Variants in TPM1 observed in about 807,000 individuals in gnomAD.
TPM1 encodes the protein tropomyosin 1.
A neutral mutation model predicts 42.9 loss-of-function variants in TPM1; 24 were observed. That is an observed-to-expected ratio of 0.56 (90% CI 0.41 to 0.79). TPM1 has a LOEUF of 0.79. TPM1 is among the 30% of genes least tolerant of loss of function. The pLI, the probability that TPM1 is intolerant of heterozygous loss-of-function variation, is 0.00. For missense variants in TPM1, 158 were observed against 351.8 expected (o/e 0.45, Z 4.41); for synonymous variants, 136 against 130.1 (o/e 1.05, Z -0.31).
downstream of TPM1, chr15:63,069,899 C>T (rs1170242661): frequency 5.6e-6 from 9 of 1,613,982 alleles, no homozygotes; most frequent in Non-Finnish European, 5.9e-6. Flanking sequence ...TGAGCAAAAT[C>T]GCCGCCTCAC....
chr15:63,062,831 G>T (rs1459488182), intron 8 of TPM1, 186 bp downstream of exon 8: 1 of 1,533,094 alleles, frequency 6.5e-7, no homozygotes, highest in Non-Finnish European at 8.7e-7. Flanking sequence ...CTGCTCACGA[G>T]GTGACTAGTT....
chr15:63,070,623 A>G (rs941672644), downstream of TPM1: 35 of 1,007,802 alleles, frequency 3.5e-5, 1 homozygote, highest in Middle Eastern at 5.1e-4. Context: ...AATCATTTTA[A>G]AAGTTCTCAG....
downstream of TPM1, chr15:63,070,188 C>T: frequency 3.1e-6 from 4 of 1,293,732 alleles, no homozygotes; most frequent in Non-Finnish European, 4.0e-6. Flanking sequence ...CAGCACTGCT[C>T]CTTGAAATAG....
intron 9 of TPM1, chr15:63,064,433 T>G: frequency 8.2e-7 from 1 of 1,213,742 alleles, no homozygotes; most frequent in Non-Finnish European, 1.0e-6. Flanking sequence ...TTTGGGAAAT[T>G]AAGCTAAACT....
At position 63,065,949 on chromosome 15, in the gene TPM1, CA is replaced by C; in HGVS notation, c.*51del. 1 of 1,604,720 alleles carries C rather than the reference CA, an allele frequency of 6.2e-7. No homozygotes were observed. Among genetic ancestry groups the C allele is most frequent in the Non-Finnish European group, 8.5e-7 (1 of 1,175,412 alleles). On this transcript the variant is annotated 3_prime_UTR_variant, in exon 10 of 10. Coordinates refer to ENST00000403994, the MANE Select transcript of TPM1 (RefSeq NM_001018005.2). ...GACTCCCTCGTCGAGCTGGATGTCC[CA>C]CCTCTCTGAGCTCTGCATTTGTCTA...
chr15:63,067,080 A>G (rs1056170265), downstream of TPM1, among the ~76,000 whole-genome samples: 41 of 151,988 alleles, frequency 2.7e-4, no homozygotes, highest in Admixed American at 2.2e-3. Context: ...TCCTTCCTCA[A>G]CAATCTAGCT....
intron 4 of TPM1, among the ~76,000 whole-genome samples, chr15:63,060,477 A>G (rs549619193): frequency 6.6e-6 from 1 of 152,278 alleles, no homozygotes; most frequent in Admixed American, 6.5e-5. Flanking sequence ...TCAGCCATCA[A>G]ATTGATGGAG....
intron 2 of TPM1, chr15:63,048,665 C>G: frequency 1.9e-6 from 3 of 1,539,464 alleles, no homozygotes; most frequent in Non-Finnish European, 2.6e-6. Context: ...GCGCGGGCAC[C>G]CTGCAGCGCG....
rs115304384 is a variant in TPM1, at chr15:63,057,925, G to C, written c.374+807G>C. ...ATGGCATAGCATGAAGGGGCTCAGAGCACTGAATGTGTATCTGTCTGTGCT... is the reference window on the plus strand; with the variant it reads ...ATGGCATAGCATGAAGGGGCTCAGACCACTGAATGTGTATCTGTCTGTGCT... On this transcript the variant is annotated intron_variant, in intron 3 of 9. Coordinates refer to ENST00000403994, the MANE Select transcript of TPM1 (RefSeq NM_001018005.2). 7.1e-3 allele frequency among the ~76,000 whole-genome samples: 1,078 copies of C among 152,274 alleles called. 14 individuals are homozygous for C. Among genetic ancestry groups the C allele is most frequent in the African/African-American group, 0.024 (991 of 41,552 alleles).
At chr15:63,064,714 C>T in intron 9 of TPM1, 1 of 976,150 alleles carries the variant, frequency 1.0e-6, no homozygotes, top group Non-Finnish European at 1.2e-6. Flanking sequence ...GCCTGTAATC[C>T]CAGCACTTTG....
chr15:63,061,299 G>C (rs1373332758), intron 5 of TPM1: 1 of 1,611,368 alleles, frequency 6.2e-7, no homozygotes, highest in East Asian at 2.2e-5. Flanking sequence ...GTGGTTTTTA[G>C]GTTTAACTGC....
intron 2 of TPM1, among the ~76,000 whole-genome samples, chr15:63,051,176 CAAGG>C (rs2033782380): frequency 6.6e-6 from 1 of 152,168 alleles, no homozygotes. Context: ...ATCCAGCAAA[CAAGG>C]AGACAGGGAG....
downstream of TPM1, among the ~76,000 whole-genome samples, chr15:63,066,643 G>C (rs2036292383): frequency 6.6e-6 from 1 of 152,180 alleles, no homozygotes; most frequent in Non-Finnish European, 1.5e-5. Context: ...GTAAGTTTTG[G>C]TTATTGTCGA....
At chr15:63,050,079 A>G (rs775448414) in intron 2 of TPM1, among the ~76,000 whole-genome samples, 8 of 152,238 alleles carry the variant, frequency 5.3e-5, no homozygotes, top group Non-Finnish European at 1.2e-4. Context: ...TAGTAACAGC[A>G]TCTACCTGTC....
chr15:63,064,919 A>G, intron 9 of TPM1: 1 of 862,862 alleles, frequency 1.2e-6, no homozygotes, highest in South Asian at 5.3e-5. Context: ...GTCAGCCGAG[A>G]TCGCACCACC....
At chr15:63,048,572 C>T (rs1349022518) in intron 2 of TPM1, 1 of 1,526,164 alleles carries the variant, frequency 6.6e-7, no homozygotes, top group South Asian at 1.2e-5. Flanking sequence ...TACCGTCCGG[C>T]GCGATGGCGG....
intron 5 of TPM1, 139 bp downstream of exon 5, chr15:63,061,078 A>C: frequency 4.1e-6 from 6 of 1,457,600 alleles, no homozygotes; most frequent in Non-Finnish European, 5.8e-6. Flanking sequence ...ATGAGCCACG[A>C]GTATGGAACA....
chr15:63,060,839 T>C (rs777531370), intron 4 of TPM1, 30 bp from the exon 5 acceptor site: 3 of 1,612,114 alleles, frequency 1.9e-6, no homozygotes, highest in African/African-American at 2.7e-5. Flanking sequence ...GCAAGACCCA[T>C]GGTGTGTGTG....
At position 63,042,815 on chromosome 15, in the gene TPM1, C is replaced by A; in HGVS notation, c.-15C>A. 1 of 1,610,840 alleles carries A rather than the reference C, an allele frequency of 6.2e-7. No individual in the cohort carries two copies. Among genetic ancestry groups the A allele is most frequent in the South Asian group, 1.1e-5 (1 of 90,964 alleles). On this transcript the variant is annotated 5_prime_UTR_variant, in exon 1 of 10. Coordinates refer to ENST00000403994, the MANE Select transcript of TPM1 (RefSeq NM_001018005.2). ...CGCTCCTGCTGCAGCCCCAGGGCCC[C>A]TCGCCGCCGCCACCATGGACGCCAT...
Sources: gnomAD v4.1 joint callset for allele counts (sites outside exome capture counted in the v4.1 genomes callset) on GRCh38, gnomAD v4.1.1 for gene constraint, MANE v1.5 for transcripts, NCBI Gene and HGNC (gene_info 2026-07-23, HGNC 2026-07-21) for gene names.